Variants in GULP1 observed in about 807,000 individuals in gnomAD.
GULP1 encodes the protein PTB domain-containing engulfment adapter protein 1.
In GULP1, 19 loss-of-function variants were observed where a neutral mutation model predicts 40.9. The observed-to-expected ratio is 0.46, with a 90% CI of 0.32 to 0.68. The LOEUF is 0.68. Among genes scored for constraint, GULP1 ranks in the 30% least tolerant of loss-of-function variants. The pLI, the probability that GULP1 is intolerant of heterozygous loss-of-function variation, is 0.03. For missense variants in GULP1, 312 were observed against 362.2 expected, an observed-to-expected ratio of 0.86 and a Z score of 1.12; for synonymous variants, 119 against 117.6, an observed-to-expected ratio of 1.01 and a Z score of -0.08.
intron 10 of GULP1, among the ~76,000 whole-genome samples, chr2:188,585,458 T>C (rs1240069812): frequency 6.6e-6 from 1 of 152,228 alleles, no homozygotes; most frequent in Non-Finnish European, 1.5e-5. Flanking sequence ...GCCACAGACT[T>C]CTGCCTGAAC....
rs1251738005 is a variant in GULP1, at chr2:188,373,083, A to ATT, written c.-171-10679_-171-10678dup. Among the ~76,000 whole-genome samples the ATT allele has an allele frequency of 6.9e-5, 4 of 58,048 alleles. No individual in the cohort carries two copies. The South Asian group carries it at 1.4e-3, about 20-fold the overall frequency. The allele number at this position is 58,048 out of a possible 152,430, so 38.1% of individuals were successfully genotyped here. Reference sequence around the variant, plus strand: ...TTTTATGGAGCTGGGGAAGGGAATGATTATATATATATATATTTATAATGC... The same window carrying ATT: ...TTTTATGGAGCTGGGGAAGGGAATGATTTTATATATATATATATTTATAATGC... On this transcript the variant is annotated intron_variant, in intron 1 of 11. Transcript: ENST00000409830.
At chr2:188,517,773 G>T (rs1349549715) in intron 4 of GULP1, among the ~76,000 whole-genome samples, 2 of 151,970 alleles carry the variant, frequency 1.3e-5, no homozygotes, top group African/African-American at 4.8e-5. Flanking sequence ...AAGATTAGCA[G>T]CTAGTATCCT....
chr2:188,582,063 CCTT>C (rs1434170568), intron 9 of GULP1, among the ~76,000 whole-genome samples: 1 of 152,058 alleles, frequency 6.6e-6, no homozygotes. Flanking sequence ...CTCTCCATTA[CCTT>C]CCTCTTAGGT....
intron 2 of GULP1, among the ~76,000 whole-genome samples, chr2:188,416,634 T>A (rs538947078): frequency 1.3e-5 from 2 of 152,312 alleles, no homozygotes; most frequent in Admixed American, 6.5e-5. Flanking sequence ...AACCTTGGCA[T>A]GGATCACAGC....
intron 2 of GULP1, among the ~76,000 whole-genome samples, chr2:188,410,990 C>A (rs1458386215): frequency 6.6e-6 from 1 of 152,158 alleles, no homozygotes; most frequent in Non-Finnish European, 1.5e-5. Context: ...ATAAGACCTA[C>A]TTTTGATTAC....
Position 188,541,189 on chromosome 2 carries a change from A to C in GULP1, c.270A>C (p.Gln90His). The change falls in exon 7 of 12, where the codon CAA becomes CAC. Residue 90 changes from glutamine (Q) to histidine (H), a missense_variant. By Grantham distance (24) the Gln-to-His change is conservative. Transcript: ENST00000409830. ...TCCATCTGTGTTCACAGGAAGTTCA[A>C]CACAATTGCCAGCTTCATAGAATAT... is the stretch of plus-strand genomic sequence containing the variant. ...KILEPKTKEV[Q>H]HNCQLHRISF... 1 of 1,613,074 alleles carries C rather than the reference A, an allele frequency of 6.2e-7. No individual in the cohort carries two copies. Among genetic ancestry groups the C allele is most frequent in the South Asian group, 1.1e-5 (1 of 91,032 alleles).
intron 2 of GULP1, among the ~76,000 whole-genome samples, chr2:188,436,120 T>G (rs142392835): frequency 6.6e-6 from 1 of 152,184 alleles, no homozygotes; most frequent in Non-Finnish European, 1.5e-5. Context: ...GGGGAGAGAT[T>G]GTACAGGGTG....
At chr2:188,426,043 T>A (rs1464331472) in intron 2 of GULP1, among the ~76,000 whole-genome samples, 1 of 152,172 alleles carries the variant, frequency 6.6e-6, no homozygotes, top group African/African-American at 2.4e-5. Context: ...GTGTTTGGGA[T>A]ATAGCTTGGT....
At chr2:188,467,681 A>T (rs969708652) in intron 2 of GULP1, among the ~76,000 whole-genome samples, 3 of 152,134 alleles carry the variant, frequency 2.0e-5, no homozygotes, top group African/African-American at 7.2e-5. Flanking sequence ...TGGTTCACTT[A>T]TCGATAACTC....
At chr2:188,389,554 T>C (rs2050239656) in intron 2 of GULP1, among the ~76,000 whole-genome samples, 1 of 152,114 alleles carries the variant, frequency 6.6e-6, no homozygotes, top group African/African-American at 2.4e-5. Flanking sequence ...AGGAAAAGTG[T>C]CCTTACCTCC....
chr2:188,517,436 T>C (rs2065282704), intron 4 of GULP1, among the ~76,000 whole-genome samples: 1 of 152,230 alleles, frequency 6.6e-6, no homozygotes, highest in South Asian at 2.1e-4. Context: ...TATATCTATA[T>C]TGACTGTAGA....
chr2:188,349,877 AT>A (rs2044206334), intron 1 of GULP1, among the ~76,000 whole-genome samples: 1 of 152,102 alleles, frequency 6.6e-6, no homozygotes. Context: ...TGTCAGTGAA[AT>A]TTTGTGTATA....
At chr2:188,433,235 G>A (rs1320516109) in intron 2 of GULP1, among the ~76,000 whole-genome samples, 1 of 152,078 alleles carries the variant, frequency 6.6e-6, no homozygotes, top group African/African-American at 2.4e-5. Context: ...TTGCTCCAAA[G>A]GGGGTCATTC....
intron 4 of GULP1, among the ~76,000 whole-genome samples, chr2:188,513,645 T>C (rs1021754776): frequency 6.6e-6 from 1 of 152,140 alleles, no homozygotes; most frequent in Non-Finnish European, 1.5e-5. Flanking sequence ...CATATATTAA[T>C]ATTAAAATTA....
At chr2:188,459,445 T>C (rs571549094) in intron 2 of GULP1, among the ~76,000 whole-genome samples, 1 of 152,304 alleles carries the variant, frequency 6.6e-6, no homozygotes, top group Non-Finnish European at 1.5e-5. Context: ...CCTTTTCATA[T>C]GCCTATTTAT....
intron 9 of GULP1, among the ~76,000 whole-genome samples, chr2:188,576,037 C>G (rs1163516177): frequency 6.6e-6 from 1 of 152,014 alleles, no homozygotes; most frequent in Non-Finnish European, 1.5e-5. Context: ...GCAGGAATGT[C>G]CCTTCAGGTT....
chr2:188,358,766 T>A (rs1451261330), intron 1 of GULP1, among the ~76,000 whole-genome samples: 4 of 152,070 alleles, frequency 2.6e-5, no homozygotes, highest in Non-Finnish European at 5.9e-5. Context: ...ATGAAGAAAA[T>A]TAAATAAAAA....
intron 2 of GULP1, among the ~76,000 whole-genome samples, chr2:188,398,564 A>G (rs1478394312): frequency 6.6e-6 from 1 of 152,204 alleles, no homozygotes; most frequent in Non-Finnish European, 1.5e-5. Flanking sequence ...ATAATTAATA[A>G]TCCCTTTATA....
intron 10 of GULP1, among the ~76,000 whole-genome samples, chr2:188,585,276 C>T (rs879892102): frequency 6.6e-6 from 1 of 152,166 alleles, no homozygotes; most frequent in South Asian, 2.1e-4. Flanking sequence ...GAGTGACAGG[C>T]ACACAGTGCA....
Sources: gnomAD v4.1 joint callset for allele counts (sites outside exome capture counted in the v4.1 genomes callset) on GRCh38, gnomAD v4.1.1 for gene constraint, MANE v1.5 for transcripts, NCBI Gene and HGNC (gene_info 2026-07-23, HGNC 2026-07-21) for gene names.